SLC20A2: variants seen among roughly 807,000 people sequenced by gnomAD.
SLC20A2 encodes solute carrier family 20 member 2.
Under a neutral mutation model 61.0 loss-of-function variants are expected in SLC20A2, and 30 were observed. The observed-to-expected ratio is 0.49, with a 90% CI of 0.37 to 0.67. The LOEUF (loss-of-function observed/expected upper bound fraction) is 0.67, where lower values mean the gene tolerates loss of function less well. SLC20A2 is among the 30% of genes least tolerant of loss of function. The pLI is 0.00. For missense variants in SLC20A2, 626 were observed against 866.4 expected (o/e 0.72, Z 3.48); for synonymous variants, 351 against 353.3 (o/e 0.99, Z 0.07).
chr8:42,494,440 T>C lies in SLC20A2; in HGVS notation c.-265+6591A>G, dbSNP rs76020908. Among the ~76,000 whole-genome samples, 1,215 of 152,210 alleles carry C rather than the reference T, an allele frequency of 8.0e-3. 19 individuals are homozygous for C. The highest frequency in any genetic ancestry group is 0.028 in the African/African-American group (1,172 of 41,536). ...TTGAAGAAAAAAATTAACATACAGG[T>C]AACCAAAAAGAAGGGGTGAAAATCA... On this transcript the variant is annotated intron_variant, in intron 1 of 10. Coordinates refer to ENST00000520262, the MANE Select transcript of SLC20A2 (RefSeq NM_001257180.2).
At chr8:42,513,401 A>G (rs1811135033) in intron 1 of SLC20A2, among the ~76,000 whole-genome samples, 1 of 152,206 alleles carries the variant, frequency 6.6e-6, no homozygotes. Flanking sequence ...TTATGCTGTT[A>G]TATTCAGACA....
intron 5 of SLC20A2, among the ~76,000 whole-genome samples, chr8:42,454,870 C>T (rs1051290349): frequency 6.6e-6 from 1 of 151,930 alleles, no homozygotes; most frequent in African/African-American, 2.4e-5. Context: ...ATGACCAGCC[C>T]AGATTTTTTA....
At chr8:42,486,817 A>G (rs920576527) in intron 1 of SLC20A2, among the ~76,000 whole-genome samples, 1 of 152,176 alleles carries the variant, frequency 6.6e-6, no homozygotes, top group Non-Finnish European at 1.5e-5. Flanking sequence ...TGTGTACATT[A>G]GTGTTCTTCA....
At chr8:42,503,001 T>C (rs1461976834), upstream of SLC20A2, among the ~76,000 whole-genome samples, 1 of 152,200 alleles carries the variant, frequency 6.6e-6, no homozygotes, top group Non-Finnish European at 1.5e-5. Flanking sequence ...AGAGTTTGTA[T>C]TGGAAAGGAG....
chr8:42,444,581 G>A, intron 6 of SLC20A2, 65 bp downstream of exon 6: 2 of 1,196,214 alleles, frequency 1.7e-6, no homozygotes, highest in South Asian at 2.4e-5. Context: ...ATCATGGCAT[G>A]TTACATGTGA....
At chr8:42,476,770 A>G (rs1808142489) in intron 1 of SLC20A2, among the ~76,000 whole-genome samples, 1 of 152,186 alleles carries the variant, frequency 6.6e-6, no homozygotes, top group Non-Finnish European at 1.5e-5. Context: ...TGCCTGAGGA[A>G]AAAGGCTTGC....
upstream of SLC20A2, among the ~76,000 whole-genome samples, chr8:42,504,476 G>A (rs1311653937): frequency 6.6e-6 from 1 of 152,000 alleles, no homozygotes; most frequent in Non-Finnish European, 1.5e-5. Flanking sequence ...AGACTAAAAG[G>A]AAGATAAATA....
intron 1 of SLC20A2, among the ~76,000 whole-genome samples, chr8:42,514,483 C>T (rs980498143): frequency 6.6e-6 from 1 of 152,114 alleles, no homozygotes; most frequent in Admixed American, 6.6e-5. Flanking sequence ...CCTGGCTGGG[C>T]GCGGTGGCTC....
intron 1 of SLC20A2, among the ~76,000 whole-genome samples, chr8:42,495,551 C>T (rs536031842): frequency 1.3e-5 from 2 of 151,772 alleles, no homozygotes; most frequent in Non-Finnish European, 2.9e-5. Flanking sequence ...AGCTTCATGT[C>T]TGAGAGGTCA....
At chr8:42,420,591 C>G (rs1171980611) in intron 10 of SLC20A2, among the ~76,000 whole-genome samples, 1 of 152,182 alleles carries the variant, frequency 6.6e-6, no homozygotes, top group Non-Finnish European at 1.5e-5. Context: ...CAAACACTTA[C>G]TGGTTAAATT....
chr8:42,492,660 G>C (rs1441982110), intron 1 of SLC20A2, among the ~76,000 whole-genome samples: 1 of 151,816 alleles, frequency 6.6e-6, no homozygotes, highest in Admixed American at 6.6e-5. Context: ...CATGATTCCA[G>C]ATTCCTTTCA....
intron 8 of SLC20A2, among the ~76,000 whole-genome samples, chr8:42,434,968 T>C (rs1804142216): frequency 6.6e-6 from 1 of 152,108 alleles, no homozygotes; most frequent in Admixed American, 6.6e-5. Context: ...GAATGTGTTG[T>C]TACTTTTCCA....
intron 5 of SLC20A2, among the ~76,000 whole-genome samples, chr8:42,452,254 G>A (rs1290620854): frequency 6.7e-6 from 1 of 149,142 alleles, no homozygotes; most frequent in African/African-American, 2.5e-5. Context: ...TGAAGTGGAG[G>A]AGGAAGAGAT....
intron 1 of SLC20A2, among the ~76,000 whole-genome samples, chr8:42,499,640 T>A (rs1344311080): frequency 1.3e-5 from 2 of 152,194 alleles, no homozygotes; most frequent in Non-Finnish European, 2.9e-5. Context: ...CCAACTACAG[T>A]GTACCTTTAA....
At chr8:42,422,273 G>C (rs547122141) in intron 10 of SLC20A2, among the ~76,000 whole-genome samples, 4 of 151,968 alleles carry the variant, frequency 2.6e-5, no homozygotes, top group African/African-American at 7.3e-5. Flanking sequence ...GGCTGGTCTC[G>C]AACTCCTGAC....
At chr8:42,422,866 C>T (rs1803139322) in intron 10 of SLC20A2, among the ~76,000 whole-genome samples, 1 of 149,322 alleles carries the variant, frequency 6.7e-6, no homozygotes, top group African/African-American at 2.5e-5. Flanking sequence ...CAATGTCTTC[C>T]TCCTTCCCCT....
At chr8:42,473,342 GC>G (rs1807797602) in intron 1 of SLC20A2, among the ~76,000 whole-genome samples, 1 of 150,480 alleles carries the variant, frequency 6.6e-6, no homozygotes, top group African/African-American at 2.5e-5. Context: ...GACCCTTCAG[GC>G]CTCCTCGCAG....
intron 1 of SLC20A2, among the ~76,000 whole-genome samples, chr8:42,494,299 C>A (rs1295210790): frequency 6.6e-6 from 1 of 151,956 alleles, no homozygotes; most frequent in Non-Finnish European, 1.5e-5. Flanking sequence ...CTTATATAAG[C>A]CAACTGAGAG....
At chr8:42,457,521 C>T (rs1339303390) in intron 5 of SLC20A2, among the ~76,000 whole-genome samples, 1 of 151,706 alleles carries the variant, frequency 6.6e-6, no homozygotes. Context: ...CGCTGTGTCA[C>T]CCAGGCTGGA....
Sources: gnomAD v4.1 joint callset for allele counts (sites outside exome capture counted in the v4.1 genomes callset) on GRCh38, gnomAD v4.1.1 for gene constraint, MANE v1.5 for transcripts, NCBI Gene and HGNC (gene_info 2026-07-23, HGNC 2026-07-21) for gene names.